Variants in TLE4 observed in about 807,000 individuals in gnomAD.
TLE4 encodes the protein transducin-like enhancer protein 4.
A neutral mutation model predicts 92.8 loss-of-function variants in TLE4; 8 were observed. The observed-to-expected ratio is 0.09, with a 90% CI of 0.05 to 0.16. TLE4 has a LOEUF of 0.16. TLE4 is among the 10% of genes least tolerant of loss of function. The probability of loss-of-function intolerance (pLI) is 1.00; values close to 1 mark genes in which losing one functional copy is unlikely to be tolerated. For missense variants in TLE4, 675 were observed against 997.6 expected (o/e 0.68, Z 4.36); for synonymous variants, 371 against 374.1 (o/e 0.99, Z 0.10).
At chr9:79,690,442 G>C in intron 8 of TLE4, among the ~76,000 whole-genome samples, 1 of 152,104 alleles carries the variant, frequency 6.6e-6, no homozygotes, top group Admixed American at 6.5e-5. Flanking sequence ...TAAGTACTGG[G>C]TACCACTTTG....
intron 14 of TLE4, among the ~76,000 whole-genome samples, chr9:79,711,496 A>G (rs1238508818): frequency 6.6e-6 from 1 of 152,210 alleles, no homozygotes; most frequent in Non-Finnish European, 1.5e-5. Context: ...GGGTTCCTTT[A>G]GGGAAGAAGT....
intron 8 of TLE4, among the ~76,000 whole-genome samples, chr9:79,694,714 T>C (rs1243860245): frequency 6.6e-6 from 1 of 152,032 alleles, no homozygotes; most frequent in Admixed American, 6.5e-5. Flanking sequence ...ACAAGTATTA[T>C]ATCTGTCTGC....
At chr9:79,646,162 A>G (rs2058078286) in intron 6 of TLE4, among the ~76,000 whole-genome samples, 1 of 152,024 alleles carries the variant, frequency 6.6e-6, no homozygotes, top group Admixed American at 6.6e-5. Context: ...TGTACTCTTA[A>G]TGTACATTTC....
chr9:79,654,350 AT>A (rs571054092), intron 8 of TLE4, among the ~76,000 whole-genome samples: 251 of 152,176 alleles, frequency 1.6e-3, no homozygotes, highest in Non-Finnish European at 2.9e-3. Flanking sequence ...TGAAAAAAAA[AT>A]AACTGCTTTT....
intron 8 of TLE4, among the ~76,000 whole-genome samples, 161 bp downstream of exon 8, chr9:79,654,236 T>TA (rs1346751379): frequency 6.6e-6 from 1 of 151,886 alleles, no homozygotes; most frequent in Non-Finnish European, 1.5e-5. Flanking sequence ...GTTGATTTTT[T>TA]TTTTTTTTTT....
chr9:79,663,204 T>A (rs930914775), intron 8 of TLE4, among the ~76,000 whole-genome samples: 11 of 152,194 alleles, frequency 7.2e-5, no homozygotes, highest in African/African-American at 2.7e-4. Flanking sequence ...TGAAGTTATA[T>A]TTTTATGAAT....
chr9:79,605,266 C>T (rs182644248), intron 4 of TLE4, among the ~76,000 whole-genome samples: 28 of 152,234 alleles, frequency 1.8e-4, no homozygotes, highest in Admixed American at 9.8e-4. Flanking sequence ...TCCCATCCTT[C>T]CTTTCTATTT....
intron 1 of TLE4, 116 bp downstream of exon 1, chr9:79,572,951 GGCGCCCCGC>G (rs2036240576): frequency 1.1e-5 from 13 of 1,140,764 alleles, no homozygotes; most frequent in African/African-American, 1.7e-5. Context: ...GCCCGAAATC[GGCGCCCCGC>G]GCCGGGAGCA....
chr9:79,710,358 G>A (rs999346671), intron 14 of TLE4, among the ~76,000 whole-genome samples: 19 of 152,172 alleles, frequency 1.2e-4, no homozygotes, highest in African/African-American at 3.6e-4. Flanking sequence ...AAGTAGCACT[G>A]GCTGTTTCTT....
chr9:79,576,201 T>G, intron 4 of TLE4, 24 bp downstream of exon 4: 1 of 1,504,776 alleles, frequency 6.6e-7, no homozygotes, highest in Non-Finnish European at 9.0e-7. Context: ...TTATAACCAT[T>G]TTAAATGACA....
intron 8 of TLE4, among the ~76,000 whole-genome samples, chr9:79,701,658 C>T (rs1431728739): frequency 2.0e-5 from 3 of 152,110 alleles, no homozygotes; most frequent in East Asian, 3.9e-4. Flanking sequence ...GCCATATTAC[C>T]GATTCCAAGG....
At chr9:79,623,674 G>A (rs1015315349) in intron 5 of TLE4, among the ~76,000 whole-genome samples, 5 of 144,332 alleles carry the variant, frequency 3.5e-5, no homozygotes, top group South Asian at 4.4e-4. Context: ...TTACAGAGTC[G>A]TATAACCATC....
chr9:79,602,649 A>T (rs1199356630), intron 4 of TLE4, among the ~76,000 whole-genome samples: 5 of 152,188 alleles, frequency 3.3e-5, no homozygotes, highest in African/African-American at 1.2e-4. Context: ...ACTGCCTATT[A>T]ATGGTGTACC....
chr9:79,677,198 G>A (rs1054804952), intron 8 of TLE4, among the ~76,000 whole-genome samples: 2 of 152,104 alleles, frequency 1.3e-5, no homozygotes, highest in African/African-American at 2.4e-5. Context: ...ATTGCAGAGT[G>A]CCTGGCATTT....
At chr9:79,703,770 A>C (rs1408285134) in intron 8 of TLE4, among the ~76,000 whole-genome samples, 2 of 152,126 alleles carry the variant, frequency 1.3e-5, no homozygotes, top group Non-Finnish European at 2.9e-5. Context: ...AAACTATAGG[A>C]GTGAGAAAGG....
intron 2 of TLE4, 143 bp from the exon 3 acceptor site, chr9:79,574,730 C>A: frequency 1.6e-6 from 1 of 637,560 alleles, no homozygotes; most frequent in Non-Finnish European, 2.7e-6. Flanking sequence ...TCACCCCTTT[C>A]CCCTTCCCTT....
chr9:79,681,066 A>G (rs964848498), intron 8 of TLE4, among the ~76,000 whole-genome samples: 3 of 152,130 alleles, frequency 2.0e-5, no homozygotes, highest in Non-Finnish European at 4.4e-5. Context: ...AATGTTCATC[A>G]AGGATATTGG....
At chr9:79,592,674 C>G (rs1021182670) in intron 4 of TLE4, among the ~76,000 whole-genome samples, 8 of 152,074 alleles carry the variant, frequency 5.3e-5, no homozygotes, top group Admixed American at 5.2e-4. Context: ...TTAACTTTTT[C>G]GTCTGTAAAG....
intron 4 of TLE4, among the ~76,000 whole-genome samples, chr9:79,593,948 G>A (rs530132084): frequency 2.8e-3 from 431 of 152,312 alleles, no homozygotes; most frequent in Non-Finnish European, 4.9e-3. Context: ...AATTCAGCCA[G>A]TAACTTCCTG....
Sources: allele counts gnomAD v4.1 joint callset (sites outside exome capture counted in the v4.1 genomes callset), GRCh38; gene constraint gnomAD v4.1.1; transcripts MANE v1.5; gene names NCBI Gene and HGNC (gene_info 2026-07-23, HGNC 2026-07-21).